Variants in MED15 observed in about 807,000 individuals in gnomAD.
The protein encoded by MED15 is mediator of RNA polymerase II transcription subunit 15.
MED15 carries 41 observed loss-of-function variants against 118.7 expected under a neutral mutation model. The ratio of observed to expected loss-of-function variants is 0.35; its 90% CI spans 0.27 to 0.45. The LOEUF (loss-of-function observed/expected upper bound fraction) is 0.45, where lower values mean the gene tolerates loss of function less well. Among genes scored for constraint, MED15 ranks in the 20% least tolerant of loss-of-function variants. The pLI is 1.00. For synonymous variants in MED15, 436 were observed against 413.9 expected, an observed-to-expected ratio of 1.05 and a Z score of -0.65; for missense variants, 740 against 1,025.5, an observed-to-expected ratio of 0.72 and a Z score of 3.80.
At chr22:20,543,762 T>TG (rs1172165761) in intron 2 of MED15, among the ~76,000 whole-genome samples, 1 of 151,968 alleles carries the variant, frequency 6.6e-6, no homozygotes, top group East Asian at 1.9e-4. Context: ...TTCACCATGT[T>TG]GGCCAGGCTG....
At position 20,566,721 on chromosome 22, in the gene MED15, A is replaced by G. The variant is rs752139214; in HGVS notation, c.945A>G (p.Pro315=). Residue 315 remains proline (P), a synonymous_variant, in exon 7 of 18, where the codon CCA becomes CCG. Transcript: ENST00000263205. Reference sequence around the variant, plus strand: ...AGCCTCCAGTTGCTCAGAACCAACCATCACAACTCCCGCCACAGTCGCAGA... The same window carrying G: ...AGCCTCCAGTTGCTCAGAACCAACCGTCACAACTCCCGCCACAGTCGCAGA... ...PQQPPVAQNQ[P]SQLPPQSQTQ... The G allele has an allele frequency of 6.2e-6, 10 of 1,614,062 alleles. No individual in the cohort carries two copies. The South Asian group carries it at 9.9e-5, about 16-fold the overall frequency.
At position 20,529,246 on chromosome 22, in the gene MED15, G is replaced by GTTAT. The variant is rs568787602; in HGVS notation, c.69-7855_69-7852dup. ...CATTTCAACTTGGAGGTTCATATCT[G>GTTAT]TTATTTATTTATTTATTTAGAGACA... On this transcript the variant is annotated intron_variant, in intron 1 of 17. Coordinates refer to ENST00000263205, the MANE Select transcript of MED15 (RefSeq NM_001003891.3). Among the ~76,000 whole-genome samples, 276 of 152,082 alleles carry GTTAT rather than the reference G, an allele frequency of 1.8e-3. 1 individual carries two copies. The highest frequency in any genetic ancestry group is 6.2e-3 in the African/African-American group (255 of 41,444).
In MED15 at chr22:20,587,279, C is replaced by A. The variant is rs139928226; in HGVS notation, c.*575C>A. The A allele has an allele frequency of 1.3e-5, 2 of 157,068 alleles. No homozygotes were observed. Among genetic ancestry groups the A allele is most frequent in the African/African-American group, 4.8e-5 (2 of 41,536 alleles). 9.7% of individuals were successfully genotyped at this position (157,068 alleles called of 1,614,324 possible). A position where few individuals can be genotyped will look rare whatever the true frequency, so the allele number is the denominator to read the frequency against. ...TGCTGGCTCCCCGCCACCAGCTGGG[C>A]CTCAGCCCTCACGGCATTCCTGCTG... On this transcript the variant is annotated 3_prime_UTR_variant, in exon 18 of 18. Transcript: ENST00000263205.
chr22:20,525,698 G>C (rs1294114686), intron 1 of MED15, among the ~76,000 whole-genome samples: 4 of 151,514 alleles, frequency 2.6e-5, no homozygotes, highest in Non-Finnish European at 4.4e-5. Flanking sequence ...CACCACGCCT[G>C]GCTAATTTTG....
At chr22:20,551,382 C>T (rs770199896) in intron 2 of MED15, 54 bp from the exon 3 acceptor site, 27 of 1,534,196 alleles carry the variant, frequency 1.8e-5, no homozygotes, top group East Asian at 9.0e-5. Flanking sequence ...AGGGGGAGTC[C>T]GATGACTGCG....
chr22:20,556,869 CTT>C (rs1301736801), intron 5 of MED15, among the ~76,000 whole-genome samples: 2 of 152,260 alleles, frequency 1.3e-5, no homozygotes, highest in East Asian at 3.9e-4. Flanking sequence ...CCATATGTGA[CTT>C]TTTGAGATTG....
At chr22:20,517,736 A>G (rs2054303772) in intron 1 of MED15, among the ~76,000 whole-genome samples, 1 of 152,104 alleles carries the variant, frequency 6.6e-6, no homozygotes, top group Admixed American at 6.6e-5. Flanking sequence ...GGCCCATTTC[A>G]GCTGCTATGG....
chr22:20,508,113 T>C (rs1351350113), intron 1 of MED15: 1 of 1,258,052 alleles, frequency 7.9e-7, no homozygotes, highest in East Asian at 4.4e-5. Flanking sequence ...GGCTGGGTGC[T>C]TCATGGTTTC....
chr22:20,578,281 C>G (rs1290648489), intron 9 of MED15, among the ~76,000 whole-genome samples: 1 of 152,174 alleles, frequency 6.6e-6, no homozygotes, highest in Non-Finnish European at 1.5e-5. Flanking sequence ...AGAAAGGAAA[C>G]TGGAAGGAGT....
intron 2 of MED15, among the ~76,000 whole-genome samples, chr22:20,545,669 C>G (rs531249668): frequency 2.6e-5 from 4 of 152,108 alleles, no homozygotes; most frequent in Admixed American, 2.0e-4. Flanking sequence ...CCCTTGGTGG[C>G]CAGGTCAGGG....
chr22:20,566,521 C>T lies in MED15; in HGVS notation c.745C>T (p.Gln249Ter). The T allele has an allele frequency of 6.2e-7, 1 of 1,607,206 alleles. No individual in the cohort carries two copies. Among genetic ancestry groups the T allele is most frequent in the South Asian group, 1.1e-5 (1 of 90,750 alleles). Residue 249 changes from glutamine (Q) to a stop codon, truncating the protein, a stop_gained, in exon 7 of 18, where the codon CAG becomes TAG. Coordinates refer to ENST00000263205, the MANE Select transcript of MED15 (RefSeq NM_001003891.3). LOFTEE classifies it high-confidence loss of function. ...QRIAQLQLQQ[Q>*]QQQQQQQQQQ... ...AATAGCACAGCTGCAGCTCCAACAACAGCAACAGCAGCAGCAGCAGCAGCA... is the reference window on the plus strand; with the variant it reads ...AATAGCACAGCTGCAGCTCCAACAATAGCAACAGCAGCAGCAGCAGCAGCA...
At chr22:20,553,907 A>G (rs1225326139) in intron 4 of MED15, among the ~76,000 whole-genome samples, 1 of 152,244 alleles carries the variant, frequency 6.6e-6, no homozygotes, top group Non-Finnish European at 1.5e-5. Flanking sequence ...TTTAAATTTC[A>G]GCGTTTATCA....
At chr22:20,524,849 G>A (rs563966926) in intron 1 of MED15, among the ~76,000 whole-genome samples, 8 of 152,194 alleles carry the variant, frequency 5.3e-5, no homozygotes, top group African/African-American at 1.9e-4. Context: ...TCCTGACCTC[G>A]TGATCCGCCT....
chr22:20,567,484 G>T (rs183639034), intron 7 of MED15, among the ~76,000 whole-genome samples: 2 of 152,248 alleles, frequency 1.3e-5, no homozygotes, highest in Admixed American at 6.5e-5. Flanking sequence ...GTGGAATGGG[G>T]CCTGAGGCAA....
Position 20,586,610 on chromosome 22 carries a change from C to T in MED15, c.2273C>T (p.Ser758Phe), listed in dbSNP as rs1273885555. The T allele has an allele frequency of 6.2e-7, 1 of 1,612,956 alleles. No individual in the cohort carries two copies. The highest frequency in any genetic ancestry group is 2.2e-5 in the East Asian group (1 of 44,886). The change falls in exon 18 of 18, where the codon TCC becomes TTC. Residue 758 changes from serine to phenylalanine, a missense_variant. Ser to Phe is a radical substitution (Grantham distance 155). Around this residue, in one of 7 missense-constraint regions of MED15, gnomAD observed 179 missense variants for 259.0 expected, o/e 0.69. Transcript: ENST00000263205. ...FLQSVHRCMT[S>F]RLLQLPDKHS... is the part of the protein sequence containing the mutation. The stretch of plus-strand genomic sequence containing the variant: ...CAGTCGGTGCACCGCTGCATGACCT[C>T]CAGGCTGCTGCAGCTCCCGGACAAG...
At chr22:20,560,238 C>T (rs1375935860) in intron 5 of MED15, among the ~76,000 whole-genome samples, 1 of 151,966 alleles carries the variant, frequency 6.6e-6, no homozygotes, top group Non-Finnish European at 1.5e-5. Context: ...TTGCCACATT[C>T]CAAGCACTAT....
chr22:20,511,414 C>T (rs750641998), intron 1 of MED15, among the ~76,000 whole-genome samples: 12 of 151,790 alleles, frequency 7.9e-5, no homozygotes, highest in Non-Finnish European at 1.5e-4. Flanking sequence ...ATCGCTTGAG[C>T]CTGGGAGGTC....
At chr22:20,583,455 G>C in intron 13 of MED15, 62 bp downstream of exon 13, 1 of 1,586,544 alleles carries the variant, frequency 6.3e-7, no homozygotes, top group South Asian at 1.1e-5. Flanking sequence ...GCCATGGATG[G>C]GCACTTGGTG....
At chr22:20,573,674 A>G (rs2056736284) in intron 8 of MED15, 1 of 152,270 alleles carries the variant, frequency 6.6e-6, no homozygotes. Flanking sequence ...TTATAAGAAC[A>G]TCAGTCAGCA....
Sources: allele counts gnomAD v4.1 joint callset (sites outside exome capture counted in the v4.1 genomes callset), GRCh38; gene constraint gnomAD v4.1.1; regional missense constraint gnomAD v4.1.1; transcripts MANE v1.5; gene names NCBI Gene and HGNC (gene_info 2026-07-23, HGNC 2026-07-21).